Variants in ANO3 observed in about 807,000 individuals in gnomAD.
ANO3 encodes anoctamin 3.
A neutral mutation model predicts 144.8 loss-of-function variants in ANO3; 99 were observed. That is an observed-to-expected ratio of 0.68 (90% CI 0.58 to 0.81). The LOEUF is 0.81. ANO3 is among the 30% of genes least tolerant of loss of function. The pLI is 0.00. For synonymous variants in ANO3, 414 were observed against 392.6 expected (o/e 1.05, Z -0.64); for missense variants, 905 against 1,202.2 (o/e 0.75, Z 3.66).
chr11:26,205,376 G>A (rs1851777516), intron 1 of ANO3, among the ~76,000 whole-genome samples: 1 of 152,188 alleles, frequency 6.6e-6, no homozygotes, highest in South Asian at 2.1e-4. Context: ...TTTTACAAAT[G>A]TGGAAATTGA....
chr11:26,311,198 A>T (rs1190900854), intron 1 of ANO3, among the ~76,000 whole-genome samples: 1 of 152,208 alleles, frequency 6.6e-6, no homozygotes, highest in Non-Finnish European at 1.5e-5. Context: ...CTTATGTGTC[A>T]GGTACTGTAT....
chr11:26,236,875 A>T (rs1852542437), intron 1 of ANO3, among the ~76,000 whole-genome samples: 1 of 151,502 alleles, frequency 6.6e-6, no homozygotes. Flanking sequence ...AAATATATTT[A>T]TTTAGCTATC....
chr11:26,224,536 A>G (rs576334679), intron 1 of ANO3, among the ~76,000 whole-genome samples: 1 of 152,104 alleles, frequency 6.6e-6, no homozygotes, highest in Non-Finnish European at 1.5e-5. Flanking sequence ...GGCTCCTCCA[A>G]TAGTACCCTT....
rs141426236 is a variant in ANO3 at position 26,280,743 on chromosome 11, C to T, written c.155-28902C>T. Reference sequence around the variant, plus strand: ...CAAGTTGACAATATTTACCATCACGCCCAATAAGCATGAATTTGTTCTAAA... The same window carrying T: ...CAAGTTGACAATATTTACCATCACGTCCAATAAGCATGAATTTGTTCTAAA... On this transcript the variant is annotated intron_variant, in intron 1 of 27. Transcript: ENST00000672621. Among the ~76,000 whole-genome samples, 30 of 152,246 alleles carry T rather than the reference C, an allele frequency of 2.0e-4. No homozygotes were observed. In the East Asian group the frequency reaches 5.8e-3, roughly 29 times the overall value.
chr11:26,406,672 T>C (rs1413886110), intron 1 of ANO3, among the ~76,000 whole-genome samples: 1 of 134,044 alleles, frequency 7.5e-6, no homozygotes, highest in African/African-American at 2.8e-5. Context: ...CAATAATCTA[T>C]GGCAGTGTGT....
chr11:26,478,668 G>A (rs779751487), intron 4 of ANO3, among the ~76,000 whole-genome samples: 6 of 151,946 alleles, frequency 3.9e-5, no homozygotes, highest in East Asian at 1.9e-4. Context: ...CATCAGGCTC[G>A]GGTTGTTTCT....
chr11:26,237,173 A>G (rs1852550872), intron 1 of ANO3, among the ~76,000 whole-genome samples: 1 of 152,108 alleles, frequency 6.6e-6, no homozygotes, highest in Non-Finnish European at 1.5e-5. Context: ...CAATCTATAG[A>G]ATTGATTCTA....
At chr11:26,228,610 G>T (rs1852307684) in intron 1 of ANO3, among the ~76,000 whole-genome samples, 1 of 151,874 alleles carries the variant, frequency 6.6e-6, no homozygotes, top group Non-Finnish European at 1.5e-5. Flanking sequence ...CCGCTGCATT[G>T]AAGGTTTGAT....
intron 1 of ANO3, among the ~76,000 whole-genome samples, chr11:26,266,015 T>C (rs1853299458): frequency 6.6e-6 from 1 of 152,220 alleles, no homozygotes; most frequent in Non-Finnish European, 1.5e-5. Flanking sequence ...GGAAACATTC[T>C]GGAGAATAAG....
At chr11:26,195,622 A>C (rs1269194592) in intron 1 of ANO3, among the ~76,000 whole-genome samples, 1 of 152,216 alleles carries the variant, frequency 6.6e-6, no homozygotes, top group Non-Finnish European at 1.5e-5. Flanking sequence ...TTATATGAGA[A>C]TATGACAGTG....
intron 1 of ANO3, among the ~76,000 whole-genome samples, chr11:26,232,435 G>GA (rs959653663): frequency 6.7e-5 from 10 of 149,988 alleles, no homozygotes; most frequent in South Asian, 2.1e-4. Context: ...ACAGGTTCAT[G>GA]AAAAAAAAAT....
intron 1 of ANO3, among the ~76,000 whole-genome samples, chr11:26,206,311 T>C (rs1851794135): frequency 6.6e-6 from 1 of 152,184 alleles, no homozygotes; most frequent in Non-Finnish European, 1.5e-5. Context: ...CATTATATTG[T>C]TTGAAGTACT....
chr11:26,417,662 ATAT>A (rs1857630479), intron 1 of ANO3, among the ~76,000 whole-genome samples: 1 of 151,958 alleles, frequency 6.6e-6, no homozygotes, highest in African/African-American at 2.4e-5. Context: ...ATTTTTTAAA[ATAT>A]TATAATCTAA....
intron 1 of ANO3, among the ~76,000 whole-genome samples, chr11:26,407,932 C>T (rs1857330980): frequency 6.6e-6 from 1 of 151,846 alleles, no homozygotes; most frequent in African/African-American, 2.4e-5. Context: ...ACTCATCTCC[C>T]CCATTTTATC....
intron 1 of ANO3, among the ~76,000 whole-genome samples, chr11:26,397,749 T>A (rs2133970550): frequency 6.6e-6 from 1 of 152,220 alleles, no homozygotes; most frequent in Non-Finnish European, 1.5e-5. Flanking sequence ...AATATAAAAA[T>A]GCCCACTGTA....
chr11:26,309,009 G>C (rs891189521), upstream of ANO3, among the ~76,000 whole-genome samples: 2 of 152,188 alleles, frequency 1.3e-5, no homozygotes, highest in African/African-American at 4.8e-5. Context: ...TGATGGGAAT[G>C]TAGTCTCCAC....
chr11:26,480,717 T>A (rs80108578), intron 4 of ANO3, among the ~76,000 whole-genome samples: 126,164 of 149,344 alleles, frequency 0.84, 52,626 homozygotes, highest in South Asian at 0.89. Flanking sequence ...CTGAGGCAGG[T>A]TCATCAATTG....
chr11:26,496,294 C>T (rs1323435125), intron 4 of ANO3, among the ~76,000 whole-genome samples: 1 of 152,172 alleles, frequency 6.6e-6, no homozygotes, highest in East Asian at 1.9e-4. Flanking sequence ...ACACTTACTA[C>T]TGAGGTGTCC....
At chr11:26,307,758 A>G (rs1030284072), upstream of ANO3, among the ~76,000 whole-genome samples, 3 of 149,104 alleles carry the variant, frequency 2.0e-5, no homozygotes, top group African/African-American at 7.3e-5. Flanking sequence ...TAATAATAAT[A>G]ACAATTTAAT....
Sources: allele counts gnomAD v4.1 joint callset (sites outside exome capture counted in the v4.1 genomes callset), GRCh38; gene constraint gnomAD v4.1.1; transcripts MANE v1.5; gene names NCBI Gene and HGNC (gene_info 2026-07-23, HGNC 2026-07-21).